Variants in H1-7 observed in about 807,000 individuals in gnomAD.
H1-7 encodes the protein testis-specific H1 histone.
Under a neutral mutation model 0.3 loss-of-function variants are expected in H1-7, and 1 was observed. That is an observed-to-expected ratio of 3.06 (90% CI 1.09 to 14.53). The LOEUF (loss-of-function observed/expected upper bound fraction) is 14.53. H1-7 is among the 30% of genes most tolerant of loss of function. The probability of loss-of-function intolerance (pLI) is 0.12; values close to 1 mark genes in which losing one functional copy is unlikely to be tolerated. For synonymous variants in H1-7, 177 were observed against 153.2 expected, an observed-to-expected ratio of 1.16 and a Z score of -1.15; for missense variants, 393 against 353.1, an observed-to-expected ratio of 1.11 and a Z score of -0.91.
At chr12:48,329,440 CG>C in the H1-7 span, 1 of 1,614,078 alleles carries the variant, frequency 6.2e-7, no homozygotes, top group African/African-American at 1.3e-5. Flanking sequence ...GGGGGACCAT[CG>C]AGGGGCTGCT....
In H1-7 at chr12:48,329,978, A is replaced by C; in HGVS notation, c.687A>C (p.Ser229=). The change falls in exon 1 of 1, where the codon TCA becomes TCC. Residue 229 remains serine (S), a synonymous_variant. Transcript: ENST00000335017. ...QAVKEDTTPR[S]GKDKRRSSKP... is the part of the protein sequence containing the mutation. Reference sequence around the variant, plus strand: ...TGAAGGAAGACACCACGCCGAGGTCAGGGAAGGACAAGAGGCGAAGCTCCA... The same window carrying C: ...TGAAGGAAGACACCACGCCGAGGTCCGGGAAGGACAAGAGGCGAAGCTCCA... 1 of 1,613,586 alleles carries C rather than the reference A, an allele frequency of 6.2e-7. No individual in the cohort carries two copies. The highest frequency in any genetic ancestry group is 8.5e-7 in the Non-Finnish European group (1 of 1,179,802).
chr12:48,329,694 G>T lies in H1-7; in HGVS notation c.403G>T (p.Ala135Ser), dbSNP rs759412124. ...CAAGCCCAGGAGAAAGCCGGGACGC[G>T]CGAGGCAAGAGGAGGGCACGCGCGC... ...VPKPRRKPGR[A>S]RQEEGTRAPW... is the part of the protein sequence containing the mutation. The change falls in exon 1 of 1, where the codon GCG (alanine) becomes TCG (serine). Residue 135 changes from alanine to serine, a missense_variant. By Grantham distance (99) the Ala-to-Ser change is moderately conservative (BLOSUM62 1). Coordinates refer to ENST00000335017, the MANE Select transcript of H1-7 (RefSeq NM_181788.1). 6.2e-7 allele frequency: 1 copy of T among 1,610,802 alleles called. No homozygotes were observed. The highest frequency in any genetic ancestry group is 1.1e-5 in the South Asian group (1 of 90,924).
Position 48,329,717 on chromosome 12 carries a change from C to T in H1-7, c.426C>T (p.Arg142=), listed in dbSNP as rs1036281010. The T allele has an allele frequency of 2.5e-6, 4 of 1,608,280 alleles. No individual in the cohort carries two copies. The highest frequency in any genetic ancestry group is 2.7e-5 in the African/African-American group (2 of 74,870). The part of the protein sequence containing the change: ...PGRARQEEGT[R]APWRTPAAPR... ...GCGCGAGGCAAGAGGAGGGCACGCG[C>T]GCTCCCTGGAGGACCCCAGCCGCGC... is the stretch of plus-strand genomic sequence containing the variant. Residue 142 remains arginine (R), a synonymous_variant, in exon 1 of 1, where the codon CGC becomes CGT. Coordinates refer to ENST00000335017, the MANE Select transcript of H1-7 (RefSeq NM_181788.1).
Position 48,329,734 on chromosome 12 carries a change from C to T in H1-7, c.443C>T (p.Pro148Leu). The change falls in exon 1 of 1, where the codon CCA (proline) becomes CTA (leucine). Residue 148 changes from proline (P) to leucine (L), a missense_variant. By Grantham distance (98) the Pro-to-Leu change is moderately conservative. Coordinates refer to ENST00000335017, the MANE Select transcript of H1-7 (RefSeq NM_181788.1). ...EEGTRAPWRT[P>L]AAPRSSRRRR... ...GGCACGCGCGCTCCCTGGAGGACCC[C>T]AGCCGCGCCCCGGAGCTCCCGGAGG... 1 of 1,604,372 alleles carries T rather than the reference C, an allele frequency of 6.2e-7. No homozygotes were observed. The highest frequency in any genetic ancestry group is 1.1e-5 in the South Asian group (1 of 90,132).
rs775263500 is a variant in H1-7, at chr12:48,329,846, G to A, written c.555G>A (p.Arg185=). The change falls in exon 1 of 1, where the codon AGG becomes AGA. Residue 185 remains arginine, a synonymous_variant. Coordinates refer to ENST00000335017, the MANE Select transcript of H1-7 (RefSeq NM_181788.1). ...NARAKAKANA[R]ARRTRRARPR... ...GGGCGAAAGCCAAGGCCAATGCCAG[G>A]GCGAGGAGGACCAGGAGGGCAAGGC... The A allele has an allele frequency of 5.7e-6, 9 of 1,590,940 alleles. No individual in the cohort carries two copies. In the South Asian group the frequency reaches 7.9e-5, roughly 14 times the overall value.
rs1292502186 is a variant in H1-7 at position 48,329,001 on chromosome 12, T to C, written c.-291T>C. The C allele has an allele frequency of 1.1e-5, 4 of 359,608 alleles. No homozygotes were observed. Among genetic ancestry groups the C allele is most frequent in the Non-Finnish European group, 2.0e-5 (4 of 200,032 alleles). 22.3% of individuals were successfully genotyped at this position (359,608 alleles called of 1,614,324 possible). A position where few individuals can be genotyped will look rare whatever the true frequency, so the allele number is the denominator to read the frequency against. On this transcript the variant is annotated 5_prime_UTR_variant, in exon 1 of 1. Transcript: ENST00000335017. ...ACCTTAAGGAACTGTGGGTAGATGG[T>C]TTGCAGGACCACATACACACACAAA... is the stretch of plus-strand genomic sequence containing the variant.
In H1-7 at chr12:48,329,334, C is replaced by G. The variant is rs757047945; in HGVS notation, c.43C>G (p.Arg15Gly). The change falls in exon 1 of 1, where the codon CGC becomes GGC. Residue 15 changes from arginine (R) to glycine (G), a missense_variant. Physicochemically the swap from Arg to Gly is moderately radical, Grantham distance 125. Transcript: ENST00000335017. ...LTGEAQSRWP[R>G]RGGSGAMAEA... Reference sequence around the variant, plus strand: ...TGGTGAGGCCCAAAGCCGGTGGCCCCGCAGAGGCGGGAGTGGGGCCATGGC... The same window carrying G: ...TGGTGAGGCCCAAAGCCGGTGGCCCGGCAGAGGCGGGAGTGGGGCCATGGC... 3 of 1,606,296 alleles carry G rather than the reference C, an allele frequency of 1.9e-6. No individual in the cohort carries two copies. Among genetic ancestry groups the G allele is most frequent in the Non-Finnish European group, 2.6e-6 (3 of 1,176,314 alleles).
chr12:48,329,418 G>GA, the H1-7 span: 1 of 1,614,196 alleles, frequency 6.2e-7, no homozygotes, highest in Non-Finnish European at 8.5e-7. Context: ...GCTGCCAGCG[G>GA]AAAAAACTGT....
At position 48,330,129 on chromosome 12, in the gene H1-7, A is replaced by G; in HGVS notation, c.*70A>G. 6.8e-7 allele frequency: 1 copy of G among 1,462,994 alleles called. No individual in the cohort carries two copies. Among genetic ancestry groups the G allele is most frequent in the Non-Finnish European group, 9.1e-7 (1 of 1,101,212 alleles). The allele number at this position is 1,462,994 out of a possible 1,614,324, so 90.6% of individuals were successfully genotyped here. A position where few individuals can be genotyped will look rare whatever the true frequency, so the allele number is the denominator to read the frequency against. ...GACTCCACTAAAGACTTCCACAAAG[A>G]CCTCCCCTAAATCTGAAGGTCTTCC... On this transcript the variant is annotated 3_prime_UTR_variant, in exon 1 of 1. Coordinates refer to ENST00000335017, the MANE Select transcript of H1-7 (RefSeq NM_181788.1).
rs200066912 is a variant in H1-7 at position 48,329,816 on chromosome 12, C to A, written c.525C>A (p.Asn175Lys). Residue 175 changes from asparagine to lysine, a missense_variant, in exon 1 of 1, where the codon AAC (asparagine) becomes AAA (lysine). Coordinates refer to ENST00000335017, the MANE Select transcript of H1-7 (RefSeq NM_181788.1). ...AGGCCAGAGAAGTGTGGAGACGGAA[C>A]GCGAGGGCGAAAGCCAAGGCCAATG... ...ARKAREVWRRNARAKAKANAR... is the reference protein window; with the variant it reads ...ARKAREVWRRKARAKAKANAR... 8 of 1,595,334 alleles carry A rather than the reference C, an allele frequency of 5.0e-6. No homozygotes were observed. In the Admixed American group the frequency reaches 1.3e-4, roughly 25 times the overall value.
rs369710747 is a variant in H1-7, at chr12:48,329,687, G to A, written c.396G>A (p.Pro132=). ...AGGTTCCCAAGCCCAGGAGAAAGCCGGGACGCGCGAGGCAAGAGGAGGGCA... is the reference window on the plus strand; with the variant it reads ...AGGTTCCCAAGCCCAGGAGAAAGCCAGGACGCGCGAGGCAAGAGGAGGGCA... ...VWKVPKPRRK[P]GRARQEEGTR... Residue 132 remains proline, a synonymous_variant, in exon 1 of 1, where the codon CCG becomes CCA. Coordinates refer to ENST00000335017, the MANE Select transcript of H1-7 (RefSeq NM_181788.1). 6.2e-7 allele frequency: 1 copy of A among 1,611,070 alleles called. No individual in the cohort carries two copies. The highest frequency in any genetic ancestry group is 1.7e-5 in the Admixed American group (1 of 59,936).
rs1430332482 is a variant in H1-7 at position 48,329,130 on chromosome 12, G to A, written c.-162G>A. 5 of 764,646 alleles carry A rather than the reference G, an allele frequency of 6.5e-6. No homozygotes were observed. The highest frequency in any genetic ancestry group is 4.1e-5 in the South Asian group (2 of 49,108). 47.4% of individuals were successfully genotyped at this position (764,646 alleles called of 1,614,324 possible). A position where few individuals can be genotyped will look rare whatever the true frequency, so the allele number is the denominator to read the frequency against. On this transcript the variant is annotated 5_prime_UTR_variant, in exon 1 of 1. Coordinates refer to ENST00000335017, the MANE Select transcript of H1-7 (RefSeq NM_181788.1). ...AGGTGACTGTTGGGGGTGGACAGGC[G>A]CTGAAGACTTGGATTGGTTTAGACC...
chr12:48,329,699 G>T lies in H1-7; in HGVS notation c.408G>T (p.Arg136Ser), dbSNP rs752698412. The T allele has an allele frequency of 2.1e-5, 34 of 1,610,354 alleles. No homozygotes were observed. In the East Asian group the frequency reaches 7.4e-4, roughly 35 times the overall value. The change falls in exon 1 of 1, where the codon AGG becomes AGT. Residue 136 changes from arginine (R) to serine (S), a missense_variant. Transcript: ENST00000335017. ...PKPRRKPGRA[R>S]QEEGTRAPWR... is the part of the protein sequence containing the mutation. ...CCAGGAGAAAGCCGGGACGCGCGAGGCAAGAGGAGGGCACGCGCGCTCCCT... is the reference window on the plus strand; with the variant it reads ...CCAGGAGAAAGCCGGGACGCGCGAGTCAAGAGGAGGGCACGCGCGCTCCCT...
chr12:48,330,156 G>C lies in H1-7; in HGVS notation c.*97G>C. The C allele has an allele frequency of 7.4e-7, 1 of 1,357,756 alleles. No homozygotes were observed. Among genetic ancestry groups the C allele is most frequent in the Non-Finnish European group, 9.9e-7 (1 of 1,013,384 alleles). The allele number at this position is 1,357,756 out of a possible 1,614,324, so 84.1% of individuals were successfully genotyped here. ...CTCCCCTAAATCTGAAGGTCTTCCT[G>C]ATCCAGTTGGGAATGCATCTTGTGG... On this transcript the variant is annotated 3_prime_UTR_variant, in exon 1 of 1. Transcript: ENST00000335017.
Position 48,329,963 on chromosome 12 carries a change from C to T in H1-7, c.672C>T (p.Asp224=). 1 of 1,612,628 alleles carries T rather than the reference C, an allele frequency of 6.2e-7. No homozygotes were observed. Among genetic ancestry groups the T allele is most frequent in the South Asian group, 1.1e-5 (1 of 90,856 alleles). The change falls in exon 1 of 1, where the codon GAC becomes GAT. Residue 224 remains aspartate (D), a synonymous_variant. Coordinates refer to ENST00000335017, the MANE Select transcript of H1-7 (RefSeq NM_181788.1). ...GGCGAGGACAGGCCGTGAAGGAAGACACCACGCCGAGGTCAGGGAAGGACA... is the reference window on the plus strand; with the variant it reads ...GGCGAGGACAGGCCGTGAAGGAAGATACCACGCCGAGGTCAGGGAAGGACA... ...DEGRGQAVKE[D]TTPRSGKDKR... is the part of the protein sequence containing the mutation.
At chr12:48,329,465 CAG>C in the H1-7 span, 4 of 1,614,198 alleles carry the variant, frequency 2.5e-6, no homozygotes, top group Admixed American at 3.3e-5. Context: ...GCTCCGTGCT[CAG>C]AGTGTCCCAG....
In H1-7 at chr12:48,329,381, C is replaced by T. The variant is rs925133100; in HGVS notation, c.90C>T (p.Gly30=). 2 of 1,613,040 alleles carry T rather than the reference C, an allele frequency of 1.2e-6. No homozygotes were observed. The highest frequency in any genetic ancestry group is 1.3e-5 in the African/African-American group (1 of 75,066). The change falls in exon 1 of 1, where the codon GGC becomes GGT. Residue 30 remains glycine, a synonymous_variant. Coordinates refer to ENST00000335017, the MANE Select transcript of H1-7 (RefSeq NM_181788.1). ...GAMAEAPGPS[G]ESRGHSATQL... is the part of the protein sequence containing the mutation. ...TGGCTGAGGCGCCTGGGCCCAGTGG[C>T]GAATCCCGAGGACACTCAGCCACTC...
chr12:48,329,738 C>T lies in H1-7; in HGVS notation c.447C>T (p.Ala149=), dbSNP rs375416367. The T allele has an allele frequency of 5.4e-5, 87 of 1,603,320 alleles. No individual in the cohort carries two copies. Among genetic ancestry groups the T allele is most frequent in the Non-Finnish European group, 7.1e-5 (83 of 1,176,402 alleles). The change falls in exon 1 of 1, where the codon GCC becomes GCT. Residue 149 remains alanine, a synonymous_variant. Coordinates refer to ENST00000335017, the MANE Select transcript of H1-7 (RefSeq NM_181788.1). Reference sequence around the variant, plus strand: ...CGCGCGCTCCCTGGAGGACCCCAGCCGCGCCCCGGAGCTCCCGGAGGCGCC... The same window carrying T: ...CGCGCGCTCCCTGGAGGACCCCAGCTGCGCCCCGGAGCTCCCGGAGGCGCC... ...EGTRAPWRTP[A]APRSSRRRRQ...
At position 48,329,032 on chromosome 12, in the gene H1-7, C is replaced by G; in HGVS notation, c.-260C>G. ...GGACCACATACACACACAAAATAGCCGACTAAAGAAAGCGGTGGAGATCGA... is the reference window on the plus strand; with the variant it reads ...GGACCACATACACACACAAAATAGCGGACTAAAGAAAGCGGTGGAGATCGA... On this transcript the variant is annotated 5_prime_UTR_variant, in exon 1 of 1. Transcript: ENST00000335017. 1 of 461,722 alleles carries G rather than the reference C, an allele frequency of 2.2e-6. No individual in the cohort carries two copies. The allele number at this position is 461,722 out of a possible 1,614,324, so 28.6% of individuals were successfully genotyped here. A position where few individuals can be genotyped will look rare whatever the true frequency, so the allele number is the denominator to read the frequency against.
Sources: gnomAD v4.1 joint callset for allele counts on GRCh38, gnomAD v4.1.1 for gene constraint, MANE v1.5 for transcripts, NCBI Gene and HGNC (gene_info 2026-07-23, HGNC 2026-07-21) for gene names.